The following FABP6 variants were observed in gnomAD, a reference collection of about 807,000 sequenced individuals.
FABP6 encodes gastrotropin.
A neutral mutation model predicts 14.9 loss-of-function variants in FABP6; 13 were observed. The observed-to-expected ratio is 0.87, with a 90% CI of 0.57 to 1.39. The LOEUF is 1.39. Among genes scored for constraint, FABP6 ranks in the 40% most tolerant of loss-of-function variants. The pLI, the probability that FABP6 is intolerant of heterozygous loss-of-function variation, is 0.00. For synonymous variants in FABP6, 75 were observed against 63.6 expected, an observed-to-expected ratio of 1.18 and a Z score of -0.85; for missense variants, 161 against 167.2, an observed-to-expected ratio of 0.96 and a Z score of 0.20.
intron 2 of FABP6, among the ~76,000 whole-genome samples, chr5:160,211,329 G>A (rs1052443918): frequency 9.2e-5 from 14 of 152,128 alleles, no homozygotes; most frequent in African/African-American, 3.4e-4. Context: ...ACATGTCCTC[G>A]GCTGAGCCCA....
At chr5:160,196,530 A>G (rs918543197) in intron 1 of FABP6, 9 of 152,228 alleles carry the variant, frequency 5.9e-5, no homozygotes, top group African/African-American at 2.2e-4. Flanking sequence ...CTAAGTTGCA[A>G]GGGTGGGGAG....
chr5:160,225,906 G>A (rs1009580038), upstream of FABP6, among the ~76,000 whole-genome samples: 1 of 152,116 alleles, frequency 6.6e-6, no homozygotes, highest in Non-Finnish European at 1.5e-5. Context: ...GGGCAGGGTG[G>A]CTCACACCTG....
At chr5:160,231,633 C>T (rs1490162162) in intron 1 of FABP6, among the ~76,000 whole-genome samples, 2 of 152,136 alleles carry the variant, frequency 1.3e-5, no homozygotes, top group Admixed American at 6.6e-5. Context: ...TGACCTTAAA[C>T]GATCTGCCTG....
intron 3 of FABP6, among the ~76,000 whole-genome samples, chr5:160,223,827 C>T (rs534003786): frequency 1.3e-5 from 2 of 151,360 alleles, no homozygotes; most frequent in Non-Finnish European, 2.9e-5. Context: ...AGGCTGGGCA[C>T]GATGCTTTAT....
At chr5:160,229,453 C>A, upstream of FABP6, 1 of 1,579,968 alleles carries the variant, frequency 6.3e-7, no homozygotes, top group Non-Finnish European at 8.6e-7. Flanking sequence ...GACTTAGGGG[C>A]TGAGCCTCAG....
At position 160,213,669 on chromosome 5, in the gene FABP6, C is replaced by T. The variant is rs1759940779; in HGVS notation, c.52-67C>T. The T allele has an allele frequency of 2.2e-6, 3 of 1,346,358 alleles. No individual in the cohort carries two copies. In the Admixed American group the frequency reaches 5.0e-5, roughly 23 times the overall value. The allele number at this position is 1,346,358 out of a possible 1,614,324, so 83.4% of individuals were successfully genotyped here. ...AGGAGCTCTGCCTCCCTGCACAGAG[C>T]TGATTGGACCAGAGATGCCCACTTG... On this transcript the variant is annotated intron_variant, in intron 2 of 6. Transcript: ENST00000393980.
chr5:160,222,045 A>T (rs1170493401), intron 3 of FABP6, among the ~76,000 whole-genome samples: 1 of 151,258 alleles, frequency 6.6e-6, no homozygotes, highest in African/African-American at 2.4e-5. Context: ...GAAGGATTAT[A>T]GGTAGCTTCA....
In FABP6 at chr5:160,192,831, G is replaced by A. The variant is rs188791686; in HGVS notation, c.-59+5377G>A. ...TCCTGGATCATATAAGAAATCCCAC[G>A]CTGGGGTTGATGGCTCATGCCTGTA... On this transcript the variant is annotated intron_variant, in intron 1 of 6. Coordinates refer to the FABP6 transcript ENST00000393980. Among the ~76,000 whole-genome samples, 546 of 152,372 alleles carry A rather than the reference G, an allele frequency of 3.6e-3. 3 individuals carry two copies. Among genetic ancestry groups the A allele is most frequent in the Middle Eastern group, 0.024 (7 of 294 alleles).
At chr5:160,200,709 C>T (rs539267461) in intron 2 of FABP6, among the ~76,000 whole-genome samples, 10 of 152,268 alleles carry the variant, frequency 6.6e-5, no homozygotes, top group Admixed American at 2.0e-4. Flanking sequence ...CCACCGCACC[C>T]GGCAAGTCTT....
At chr5:160,235,414 T>A (rs745753101) in intron 3 of FABP6, among the ~76,000 whole-genome samples, 22 of 152,156 alleles carry the variant, frequency 1.4e-4, no homozygotes, top group Non-Finnish European at 3.2e-4. Context: ...TATTAAATAT[T>A]GGCAACTAAT....
At chr5:160,202,346 T>C (rs905590162) in intron 2 of FABP6, among the ~76,000 whole-genome samples, 3 of 152,172 alleles carry the variant, frequency 2.0e-5, no homozygotes, top group African/African-American at 7.2e-5. Context: ...TTTTCTCTTA[T>C]GAAGAAACTC....
At chr5:160,212,367 G>T (rs990798859) in intron 2 of FABP6, among the ~76,000 whole-genome samples, 12 of 151,976 alleles carry the variant, frequency 7.9e-5, no homozygotes, top group South Asian at 4.1e-4. Flanking sequence ...TGTTAGCCAG[G>T]TTGGTCTCCA....
At chr5:160,236,586 G>A (rs1375545787) in intron 3 of FABP6, among the ~76,000 whole-genome samples, 1 of 152,186 alleles carries the variant, frequency 6.6e-6, no homozygotes, top group Admixed American at 6.5e-5. Context: ...TGCAGAGGCA[G>A]ATCTCATCTG....
At chr5:160,205,286 T>C (rs187569591) in intron 2 of FABP6, among the ~76,000 whole-genome samples, 48 of 140,660 alleles carry the variant, frequency 3.4e-4, no homozygotes, top group African/African-American at 1.3e-3. Context: ...CCACTGCACT[T>C]TAGCCTGGGT....
rs138273184 is a variant in FABP6, at chr5:160,214,824, A to T, written c.135+1005A>T. Among the ~76,000 whole-genome samples, 7 of 152,088 alleles carry T rather than the reference A, an allele frequency of 4.6e-5. No homozygotes were observed. The East Asian group carries it at 1.2e-3, about 26-fold the overall frequency. ...AGAAAGAAAGAAAGAAATCCCATCA[A>T]CTCAACTCAAAAGTGGGTTGTGGAA... On this transcript the variant is annotated intron_variant, in intron 3 of 6. Transcript: ENST00000393980.
chr5:160,217,253 G>A (rs972879186), intron 3 of FABP6, among the ~76,000 whole-genome samples: 1 of 152,188 alleles, frequency 6.6e-6, no homozygotes, highest in Non-Finnish European at 1.5e-5. Flanking sequence ...GCATAGAGTG[G>A]AGCTGTTAGG....
intron 3 of FABP6, among the ~76,000 whole-genome samples, chr5:160,220,817 G>A (rs1488384320): frequency 1.3e-5 from 2 of 151,966 alleles, no homozygotes; most frequent in African/African-American, 4.8e-5. Flanking sequence ...ACCGGGCGCC[G>A]TGGCTCACGC....
Position 160,223,793 on chromosome 5 carries a change from C to A in FABP6, c.136-5753C>A, listed in dbSNP as rs978945463. On this transcript the variant is annotated intron_variant, in intron 3 of 6. Coordinates refer to the FABP6 transcript ENST00000393980. ...CCTCAGGCCTTCTTATTCCCTGAGACACAATATCGAAATTAGGCCAATTAG... is the reference window on the plus strand; with the variant it reads ...CCTCAGGCCTTCTTATTCCCTGAGAAACAATATCGAAATTAGGCCAATTAG... 4.6e-5 allele frequency among the ~76,000 whole-genome samples: 7 copies of A among 151,716 alleles called. No homozygotes were observed. In the Admixed American group the frequency reaches 4.6e-4, roughly 10 times the overall value.
intron 1 of FABP6, 38 bp from the exon 2 acceptor site, chr5:160,232,060 A>G: frequency 5.0e-6 from 8 of 1,608,214 alleles, no homozygotes; most frequent in Non-Finnish European, 6.8e-6. Context: ...GGTTAAAAGC[A>G]GCTCTTATAT....
Sources: gnomAD v4.1 joint callset for allele counts (sites outside exome capture counted in the v4.1 genomes callset) on GRCh38, gnomAD v4.1.1 for gene constraint, MANE v1.5 for transcripts, NCBI Gene and HGNC (gene_info 2026-07-23, HGNC 2026-07-21) for gene names.